Variants in STK32A observed in about 807,000 individuals in gnomAD.
STK32A encodes the protein serine/threonine kinase 32A, also known as serine/threonine-protein kinase 32A.
Under a neutral mutation model 53.2 loss-of-function variants are expected in STK32A, and 41 were observed. The ratio of observed to expected loss-of-function variants is 0.77; its 90% CI spans 0.60 to 1.00. The LOEUF (loss-of-function observed/expected upper bound fraction) is 1.00, where lower values mean the gene tolerates loss of function less well. Ranked by LOEUF, STK32A falls within the 50% of genes least tolerant of loss-of-function variation. The pLI, the probability that STK32A is intolerant of heterozygous loss-of-function variation, is 0.00. For synonymous variants in STK32A, 166 were observed against 162.8 expected (o/e 1.02, Z -0.15); for missense variants, 458 against 485.8 (o/e 0.94, Z 0.54).
chr5:147,377,494 TC>T (rs1226304406), intron 11 of STK32A, among the ~76,000 whole-genome samples: 1 of 152,170 alleles, frequency 6.6e-6, no homozygotes, highest in Admixed American at 6.5e-5. Flanking sequence ...TGATTTTTTT[TC>T]TGTTGCTATT....
At chr5:147,394,131 T>C in the STK32A span, 1 of 1,613,060 alleles carries the variant, frequency 6.2e-7, no homozygotes, top group Non-Finnish European at 8.5e-7. Context: ...TGCCTACAGT[T>C]GGAAATAAAT....
chr5:147,371,891 C>A (rs537391985), intron 9 of STK32A, among the ~76,000 whole-genome samples: 2 of 152,146 alleles, frequency 1.3e-5, no homozygotes, highest in African/African-American at 2.4e-5. Flanking sequence ...TTGGGAAGCA[C>A]AACTTTAGCT....
At chr5:147,340,825 C>A (rs898831758) in intron 5 of STK32A, among the ~76,000 whole-genome samples, 4 of 152,132 alleles carry the variant, frequency 2.6e-5, no homozygotes, top group African/African-American at 9.7e-5. Flanking sequence ...CCCGAGGGAA[C>A]TATGTCTCAT....
chr5:147,373,414 C>T (rs1401635051), intron 10 of STK32A, 120 bp downstream of exon 10: 64 of 1,346,544 alleles, frequency 4.8e-5, no homozygotes, highest in Non-Finnish European at 6.2e-5. Context: ...CCCCAATTCC[C>T]ATTTTACAGA....
At chr5:147,392,734 T>C (rs1757849807), downstream of STK32A, 1 of 152,186 alleles carries the variant, frequency 6.6e-6, no homozygotes, top group South Asian at 2.1e-4. Context: ...TCATGTCACT[T>C]CCACTCACTT....
At chr5:147,355,667 G>C (rs1192465155) in intron 7 of STK32A, among the ~76,000 whole-genome samples, 1 of 151,780 alleles carries the variant, frequency 6.6e-6, no homozygotes, top group Non-Finnish European at 1.5e-5. Flanking sequence ...GACAGAGCGA[G>C]ATTCCGTCTC....
intron 7 of STK32A, among the ~76,000 whole-genome samples, chr5:147,358,783 A>G (rs1756370297): frequency 6.6e-6 from 1 of 152,116 alleles, no homozygotes; most frequent in Non-Finnish European, 1.5e-5. Flanking sequence ...AAGCACTGAA[A>G]TAAATAAATA....
At position 147,334,469 on chromosome 5, in the gene STK32A, G is replaced by T. The variant is rs566941728; in HGVS notation, c.435-8537G>T. Among the ~76,000 whole-genome samples the T allele has an allele frequency of 8.5e-5, 13 of 152,182 alleles. No individual in the cohort carries two copies. The East Asian group carries it at 9.7e-4, about 11-fold the overall frequency. ...TGTTTGTGCCATTTTTAAGTGTTTT[G>T]AATATTAACCCTGGTATCAGATAAA... On this transcript the variant is annotated intron_variant, in intron 5 of 12. Transcript: ENST00000397936.
intron 4 of STK32A, among the ~76,000 whole-genome samples, chr5:147,293,337 A>G (rs1752694460): frequency 2.0e-5 from 3 of 152,132 alleles, no homozygotes; most frequent in African/African-American, 7.2e-5. Context: ...ATATTAATAC[A>G]TTTATACAAA....
intron 4 of STK32A, among the ~76,000 whole-genome samples, chr5:147,312,741 A>G (rs1035063711): frequency 6.6e-6 from 1 of 152,204 alleles, no homozygotes; most frequent in African/African-American, 2.4e-5. Flanking sequence ...CTAGAGAGAG[A>G]AAGCGCTGAA....
At chr5:147,275,286 T>C (rs1367478848) in intron 2 of STK32A, among the ~76,000 whole-genome samples, 1 of 152,118 alleles carries the variant, frequency 6.6e-6, no homozygotes, top group African/African-American at 2.4e-5. Flanking sequence ...TTGTTGAACA[T>C]TTAAAAAGGG....
chr5:147,303,808 A>T (rs1440893490), intron 4 of STK32A, among the ~76,000 whole-genome samples: 1 of 152,210 alleles, frequency 6.6e-6, no homozygotes, highest in African/African-American at 2.4e-5. Flanking sequence ...AACTTGCAAA[A>T]GTAGAGAAGA....
chr5:147,367,987 G>A (rs1235243059), intron 8 of STK32A, among the ~76,000 whole-genome samples: 3 of 152,148 alleles, frequency 2.0e-5, no homozygotes, highest in Admixed American at 6.5e-5. Flanking sequence ...TCCTCCATAC[G>A]TACAAATTTT....
At chr5:147,264,223 G>A (rs1477769561) in intron 2 of STK32A, among the ~76,000 whole-genome samples, 1 of 152,190 alleles carries the variant, frequency 6.6e-6, no homozygotes, top group Non-Finnish European at 1.5e-5. Context: ...AGGGGGCACT[G>A]CATGCAAGAG....
chr5:147,275,926 T>C (rs973803555), intron 2 of STK32A, among the ~76,000 whole-genome samples: 1 of 152,142 alleles, frequency 6.6e-6, no homozygotes, highest in African/African-American at 2.4e-5. Context: ...ACAAAATGGA[T>C]TAATATCAAC....
chr5:147,261,747 A>C (rs983333137), intron 2 of STK32A, among the ~76,000 whole-genome samples: 7 of 152,200 alleles, frequency 4.6e-5, no homozygotes, highest in Non-Finnish European at 8.8e-5. Context: ...TTTAGAAGAA[A>C]TCTAATTCTT....
At chr5:147,393,997 T>G in the STK32A span, 2 of 1,602,716 alleles carry the variant, frequency 1.2e-6, no homozygotes, top group Non-Finnish European at 1.7e-6. Context: ...CAAAACAATC[T>G]CTTCTTGCTT....
At chr5:147,266,171 A>G (rs1754798936) in intron 2 of STK32A, among the ~76,000 whole-genome samples, 1 of 152,138 alleles carries the variant, frequency 6.6e-6, no homozygotes, top group South Asian at 2.1e-4. Flanking sequence ...ATTATCCTTC[A>G]GTTGCTACAG....
intron 4 of STK32A, among the ~76,000 whole-genome samples, chr5:147,306,831 GA>G (rs1753431826): frequency 6.6e-6 from 1 of 152,068 alleles, no homozygotes; most frequent in African/African-American, 2.4e-5. Flanking sequence ...TAAAAAGAAA[GA>G]TGCGTTTATC....
Sources: allele counts gnomAD v4.1 joint callset (sites outside exome capture counted in the v4.1 genomes callset), GRCh38; gene constraint gnomAD v4.1.1; transcripts MANE v1.5; gene names NCBI Gene and HGNC (gene_info 2026-07-23, HGNC 2026-07-21).